Variants in NELL1 observed in about 807,000 individuals in gnomAD.
The protein encoded by NELL1 is neural EGFL like 1.
Under a neutral mutation model 107.4 loss-of-function variants are expected in NELL1, and 76 were observed. That is an observed-to-expected ratio of 0.71 (90% CI 0.59 to 0.86). NELL1 has a LOEUF of 0.86. NELL1 is among the 40% of genes least tolerant of loss of function. NELL1 has a pLI of 0.00. For synonymous variants in NELL1, 353 were observed against 341.2 expected (o/e 1.03, Z -0.38); for missense variants, 1,024 against 1,005.5 (o/e 1.02, Z -0.25).
intron 3 of NELL1, among the ~76,000 whole-genome samples, chr11:20,803,625 G>C (rs1431323641): frequency 6.6e-6 from 1 of 152,030 alleles, no homozygotes; most frequent in African/African-American, 2.4e-5. Context: ...AGTTCTTTAA[G>C]ATGCATCATT....
chr11:21,149,740 A>G (rs1055875987), intron 13 of NELL1, among the ~76,000 whole-genome samples: 2 of 152,204 alleles, frequency 1.3e-5, no homozygotes, highest in Non-Finnish European at 2.9e-5. Context: ...ATAGGCGTAA[A>G]TAAATGGGAT....
At chr11:21,070,722 A>G (rs1458096998) in intron 12 of NELL1, among the ~76,000 whole-genome samples, 3 of 152,116 alleles carry the variant, frequency 2.0e-5, no homozygotes, top group African/African-American at 7.2e-5. Flanking sequence ...TAATGTTTCA[A>G]TAGTTCATGA....
chr11:20,740,952 G>A (rs950796287), intron 2 of NELL1, among the ~76,000 whole-genome samples: 3 of 151,986 alleles, frequency 2.0e-5, no homozygotes, highest in Admixed American at 2.0e-4. Flanking sequence ...TGTTCCTTCT[G>A]ATGTTCCCTT....
intron 15 of NELL1, among the ~76,000 whole-genome samples, chr11:21,463,768 A>G (rs1853957192): frequency 6.6e-6 from 1 of 152,144 alleles, no homozygotes; most frequent in Admixed American, 6.6e-5. Flanking sequence ...CTCTTCGGGT[A>G]AAGAATTCAG....
chr11:20,847,617 G>A lies in NELL1; in HGVS notation c.370G>A (p.Glu124Lys). ...FELESSGLRDEIRYHYIHNGK... is the reference protein window; with the variant it reads ...FELESSGLRDKIRYHYIHNGK... Reference sequence around the variant, plus strand: ...ACTGGAGAGCAGTGGCCTGAGGGATGAGATTCGGTATCACTACATACACAA... The same window carrying A: ...ACTGGAGAGCAGTGGCCTGAGGGATAAGATTCGGTATCACTACATACACAA... The change falls in exon 4 of 20, where the codon GAG becomes AAG. Residue 124 changes from glutamate (E) to lysine (K), a missense_variant. Glu to Lys is a moderately conservative substitution (Grantham distance 56). Transcript: ENST00000357134. 1 of 1,613,762 alleles carries A rather than the reference G, an allele frequency of 6.2e-7. No individual in the cohort carries two copies.
chr11:21,171,958 T>C (rs1335994564), intron 13 of NELL1, among the ~76,000 whole-genome samples: 1 of 151,928 alleles, frequency 6.6e-6, no homozygotes, highest in Admixed American at 6.6e-5. Flanking sequence ...ACTTTTGCAA[T>C]TGAAATTACA....
At chr11:20,866,721 A>G (rs539355931) in intron 4 of NELL1, among the ~76,000 whole-genome samples, 7 of 152,292 alleles carry the variant, frequency 4.6e-5, no homozygotes, top group South Asian at 2.1e-4. Context: ...ATGACTCTTT[A>G]TCACGTCAAT....
chr11:20,783,790 A>G lies in NELL1; in HGVS notation c.295A>G (p.Thr99Ala). The change falls in exon 3 of 20, where the codon ACT becomes GCT. Residue 99 changes from threonine (T) to alanine (A), a missense_variant. By Grantham distance (58) the Thr-to-Ala change is moderately conservative. Transcript: ENST00000357134. ...ILATVQQKPS[T>A]SGVILSIREL... Reference sequence around the variant, plus strand: ...GGCCACTGTACAGCAGAAGCCATCCACTTCAGGAGTGATACTGTCCATTCG... The same window carrying G: ...GGCCACTGTACAGCAGAAGCCATCCGCTTCAGGAGTGATACTGTCCATTCG... 1 of 1,613,926 alleles carries G rather than the reference A, an allele frequency of 6.2e-7. No homozygotes were observed. Among genetic ancestry groups the G allele is most frequent in the Non-Finnish European group, 8.5e-7 (1 of 1,179,888 alleles).
chr11:20,872,504 G>A (rs868271047), intron 4 of NELL1, among the ~76,000 whole-genome samples: 5 of 152,102 alleles, frequency 3.3e-5, no homozygotes, highest in Admixed American at 6.5e-5. Flanking sequence ...GTCTGATTTC[G>A]TGAGGGGCTT....
chr11:20,807,233 T>C (rs1857404383), intron 3 of NELL1, among the ~76,000 whole-genome samples: 2 of 152,210 alleles, frequency 1.3e-5, no homozygotes, highest in Admixed American at 6.5e-5. Flanking sequence ...GTGATCTATG[T>C]TTTTGTTCAC....
At chr11:20,989,648 G>A (rs1300593206) in intron 12 of NELL1, among the ~76,000 whole-genome samples, 1 of 152,102 alleles carries the variant, frequency 6.6e-6, no homozygotes, top group African/African-American at 2.4e-5. Flanking sequence ...CTATTCCCTT[G>A]ACAACATCAT....
intron 2 of NELL1, among the ~76,000 whole-genome samples, chr11:20,701,269 G>C (rs915173423): frequency 7.9e-5 from 12 of 152,124 alleles, no homozygotes; most frequent in African/African-American, 2.7e-4. Flanking sequence ...GTCATGATGA[G>C]CATTTTTTCA....
chr11:21,326,912 A>G (rs2133678519), intron 14 of NELL1, among the ~76,000 whole-genome samples: 1 of 151,978 alleles, frequency 6.6e-6, no homozygotes, highest in Middle Eastern at 3.4e-3. Context: ...CTGCCATTTT[A>G]CTTTTTGTTT....
intron 2 of NELL1, among the ~76,000 whole-genome samples, chr11:20,777,733 T>G (rs1219616535): frequency 6.6e-6 from 1 of 152,060 alleles, no homozygotes; most frequent in Admixed American, 6.5e-5. Flanking sequence ...ATATCAGGAG[T>G]TTGCTATATT....
In NELL1 at chr11:20,960,473, T is replaced by A; in HGVS notation, c.1213T>A (p.Ser405Thr). 6.2e-7 allele frequency: 1 copy of A among 1,614,008 alleles called. No individual in the cohort carries two copies. Among genetic ancestry groups the A allele is most frequent in the Non-Finnish European group, 8.5e-7 (1 of 1,179,896 alleles). ...CAEGPKCGENSECKNWNTKAT... is the reference protein window; with the variant it reads ...CAEGPKCGENTECKNWNTKAT... ...AGAAGGACCTAAATGTGGTGAAAAC[T>A]CAGAGTGCAAAAACTGGAATACAAA... The change falls in exon 12 of 20, where the codon TCA becomes ACA. Residue 405 changes from serine (S) to threonine (T), a missense_variant. Ser to Thr is a moderately conservative substitution (Grantham distance 58). Transcript: ENST00000357134.
At chr11:21,005,719 T>C (rs980309228) in intron 12 of NELL1, among the ~76,000 whole-genome samples, 10 of 152,322 alleles carry the variant, frequency 6.6e-5, no homozygotes, top group African/African-American at 2.4e-4. Context: ...TGTGCACACT[T>C]GCTTGAATCA....
chr11:21,551,443 G>A (rs923867793), intron 16 of NELL1, among the ~76,000 whole-genome samples: 2 of 151,932 alleles, frequency 1.3e-5, no homozygotes, highest in Non-Finnish European at 2.9e-5. Context: ...AATGCTTCCA[G>A]TTTTTGCCCA....
intron 2 of NELL1, among the ~76,000 whole-genome samples, chr11:20,686,217 C>T (rs1363637237): frequency 2.0e-5 from 3 of 151,930 alleles, no homozygotes; most frequent in East Asian, 1.9e-4. Flanking sequence ...TTAATAATAT[C>T]GATACATTTA....
intron 12 of NELL1, among the ~76,000 whole-genome samples, chr11:21,061,765 A>C (rs1381594160): frequency 2.6e-5 from 4 of 152,186 alleles, no homozygotes; most frequent in Non-Finnish European, 4.4e-5. Flanking sequence ...TCTCCTCCAG[A>C]GAACTGGAGG....
Sources: gnomAD v4.1 joint callset for allele counts (sites outside exome capture counted in the v4.1 genomes callset) on GRCh38, gnomAD v4.1.1 for gene constraint, MANE v1.5 for transcripts, NCBI Gene and HGNC (gene_info 2026-07-23, HGNC 2026-07-21) for gene names.